The following TMEM272 variants were observed in gnomAD, a reference collection of about 807,000 sequenced individuals.
The protein encoded by TMEM272 is transmembrane protein 272, also known as long intergenic non-protein coding RNA 282.
A neutral mutation model predicts 3.7 loss-of-function variants in TMEM272; 8 were observed. The ratio of observed to expected loss-of-function variants is 2.17; its 90% CI spans 1.27 to 3.91. TMEM272 has a LOEUF of 3.91. Among genes scored for constraint, TMEM272 ranks in the 30% most tolerant of loss-of-function variants. The probability of loss-of-function intolerance (pLI) is 0.00; values close to 1 mark genes in which losing one functional copy is unlikely to be tolerated. For missense variants in TMEM272, 166 were observed against 91.5 expected (o/e 1.81, Z -3.32); for synonymous variants, 63 against 39.8 (o/e 1.58, Z -2.20).
At chr13:51,927,394 C>T in the TMEM272 span, among the ~76,000 whole-genome samples, 1 of 152,080 alleles carries the variant, frequency 6.6e-6, no homozygotes, top group East Asian at 1.9e-4. Context: ...TCATCAGAAA[C>T]AGCAGAGCAA....
chr13:51,906,347 G>A, the TMEM272 span, among the ~76,000 whole-genome samples: 5 of 152,140 alleles, frequency 3.3e-5, no homozygotes, highest in Non-Finnish European at 7.4e-5. Context: ...TTGGGCCCAG[G>A]GCAACTCCTA....
intron 1 of TMEM272, among the ~76,000 whole-genome samples, chr13:51,839,438 G>C (rs1000382817): frequency 3.3e-5 from 5 of 151,938 alleles, no homozygotes; most frequent in Non-Finnish European, 5.9e-5. Context: ...GGCCTCCATG[G>C]GGGCTGGCTG....
intron 4 of TMEM272, 66 bp downstream of exon 4, chr13:51,821,989 T>C: frequency 1.4e-6 from 1 of 701,918 alleles, no homozygotes; most frequent in Admixed American, 2.0e-5. Context: ...AAATAACAGG[T>C]GCATTACAGG....
At chr13:51,860,935 T>C in the TMEM272 span, among the ~76,000 whole-genome samples, 7 of 151,828 alleles carry the variant, frequency 4.6e-5, no homozygotes, top group African/African-American at 1.7e-4. Context: ...AAATTCTGGA[T>C]GGACTAGGGG....
At chr13:51,831,028 G>T (rs1042436167) in intron 2 of TMEM272, among the ~76,000 whole-genome samples, 4 of 152,144 alleles carry the variant, frequency 2.6e-5, no homozygotes, top group Non-Finnish European at 5.9e-5. Flanking sequence ...GCTCACTCTT[G>T]CTCGCTGCAC....
chr13:51,924,481 A>G, the TMEM272 span, among the ~76,000 whole-genome samples: 1 of 152,242 alleles, frequency 6.6e-6, no homozygotes, highest in African/African-American at 2.4e-5. Context: ...CAATCCTGCC[A>G]GTGGGGTTGA....
At chr13:51,865,867 G>C in the TMEM272 span, 1 of 1,613,414 alleles carries the variant, frequency 6.2e-7, no homozygotes, top group Non-Finnish European at 8.5e-7. Flanking sequence ...AAAAGGCCCT[G>C]TGGGTAGAGG....
the TMEM272 span, among the ~76,000 whole-genome samples, chr13:51,901,318 G>A: frequency 6.6e-6 from 1 of 151,996 alleles, no homozygotes; most frequent in African/African-American, 2.4e-5. Flanking sequence ...CATTTGACCT[G>A]CTAAAAAGCC....
the TMEM272 span, among the ~76,000 whole-genome samples, chr13:51,864,677 A>G: frequency 9.2e-5 from 14 of 152,194 alleles, no homozygotes; most frequent in Admixed American, 8.5e-4. Flanking sequence ...CATGTATCCT[A>G]GTCACAGTTC....
the TMEM272 span, among the ~76,000 whole-genome samples, chr13:51,919,802 C>T: frequency 6.6e-6 from 1 of 152,258 alleles, no homozygotes. Flanking sequence ...TCACCTGCCA[C>T]CGTCCCTGTG....
the TMEM272 span, among the ~76,000 whole-genome samples, chr13:51,926,160 G>C: frequency 1.1e-4 from 17 of 151,926 alleles, no homozygotes; most frequent in African/African-American, 3.6e-4. Context: ...TGTGTGTGGT[G>C]TATGTGTGTG....
the TMEM272 span, chr13:51,910,268 C>T: frequency 7.0e-7 from 1 of 1,418,926 alleles, no homozygotes; most frequent in South Asian, 1.1e-5. Context: ...TTGCCTCCTT[C>T]TCAAAGCTGG....
At chr13:51,819,954 G>A (rs1237544017) in intron 4 of TMEM272, among the ~76,000 whole-genome samples, 1 of 152,168 alleles carries the variant, frequency 6.6e-6, no homozygotes, top group African/African-American at 2.4e-5. Flanking sequence ...GCTTAGAGAA[G>A]TCCTGGTTTA....
intron 2 of TMEM272, among the ~76,000 whole-genome samples, chr13:51,830,978 A>AAAGTCTAATGAGGCTCACTCTTGCTCG (rs1956168705): frequency 2.0e-5 from 3 of 151,232 alleles, no homozygotes; most frequent in Admixed American, 6.6e-5. Flanking sequence ...ACTCTTGCTT[A>AAAGTCTAATGAGGCTCACTCTTGCTCG]AAGTCTAATG....
chr13:51,903,573 C>T, the TMEM272 span, among the ~76,000 whole-genome samples: 1 of 152,164 alleles, frequency 6.6e-6, no homozygotes, highest in African/African-American at 2.4e-5. Flanking sequence ...CCCCAGAACA[C>T]CCCTTTTTCC....
chr13:51,839,169 C>T (rs949366060), intron 1 of TMEM272, among the ~76,000 whole-genome samples: 5 of 152,166 alleles, frequency 3.3e-5, no homozygotes, highest in Non-Finnish European at 5.9e-5. Context: ...TGGAGCACCA[C>T]CCCGGCTCCC....
the TMEM272 span, among the ~76,000 whole-genome samples, chr13:51,880,496 ATT>A: frequency 6.6e-6 from 1 of 151,828 alleles, no homozygotes; most frequent in Non-Finnish European, 1.5e-5. Flanking sequence ...CATACAGGGA[ATT>A]TTTTTTTTAG....
At position 51,814,078 on chromosome 13, in the gene TMEM272, C is replaced by G. The variant is rs529177385; in HGVS notation, c.*2673G>C. ...ATCAGTGTGGACTGCCTACTTCAGG[C>G]CATGCCAAGGATTATAACTTCTTCT... On this transcript the variant is annotated 3_prime_UTR_variant, in exon 5 of 5. Transcript: ENST00000629372. 1 of 152,360 alleles carries G rather than the reference C, an allele frequency of 6.6e-6. No homozygotes were observed. Among genetic ancestry groups the G allele is most frequent in the South Asian group, 2.1e-4 (1 of 4,832 alleles). The allele number at this position is 152,360 out of a possible 1,614,324, so 9.4% of individuals were successfully genotyped here.
At chr13:51,835,120 C>T (rs1374647159) in intron 2 of TMEM272, among the ~76,000 whole-genome samples, 2 of 152,170 alleles carry the variant, frequency 1.3e-5, no homozygotes, top group Non-Finnish European at 2.9e-5. Context: ...GAGGCCGCCA[C>T]CACTTAGCAG....
Sources: gnomAD v4.1 joint callset for allele counts (sites outside exome capture counted in the v4.1 genomes callset) on GRCh38, gnomAD v4.1.1 for gene constraint, MANE v1.5 for transcripts, NCBI Gene and HGNC (gene_info 2026-07-23, HGNC 2026-07-21) for gene names.